The following KATNBL1 variants were observed in gnomAD, a reference collection of about 807,000 sequenced individuals.
The protein encoded by KATNBL1 is katanin regulatory subunit B1 like 1.
KATNBL1 carries 28 observed loss-of-function variants against 44.7 expected under a neutral mutation model. That is an observed-to-expected ratio of 0.63 (90% CI 0.46 to 0.86). The LOEUF is 0.86. KATNBL1 is among the 40% of genes least tolerant of loss of function. The pLI, the probability that KATNBL1 is intolerant of heterozygous loss-of-function variation, is 0.00. For synonymous variants in KATNBL1, 78 were observed against 114.9 expected (o/e 0.68, Z 2.06); for missense variants, 272 against 350.7 (o/e 0.78, Z 1.79).
chr15:34,202,501 C>G (rs1381033566), intron 1 of KATNBL1, among the ~76,000 whole-genome samples: 1 of 152,042 alleles, frequency 6.6e-6, no homozygotes, highest in Non-Finnish European at 1.5e-5. Flanking sequence ...ATATTACATC[C>G]CCAACAGTTA....
chr15:34,185,113 G>A (rs1364887967), intron 1 of KATNBL1, among the ~76,000 whole-genome samples: 1 of 152,050 alleles, frequency 6.6e-6, no homozygotes, highest in Non-Finnish European at 1.5e-5. Flanking sequence ...GGGACTACAG[G>A]TGCCTGCCAC....
chr15:34,183,058 C>T (rs545158615), intron 1 of KATNBL1, among the ~76,000 whole-genome samples: 18 of 152,316 alleles, frequency 1.2e-4, no homozygotes, highest in Admixed American at 3.3e-4. Flanking sequence ...AGAAATATGG[C>T]GCCCCTTGGC....
intron 1 of KATNBL1, among the ~76,000 whole-genome samples, chr15:34,200,834 T>C (rs1567539988): frequency 6.7e-6 from 1 of 150,154 alleles, no homozygotes; most frequent in Non-Finnish European, 1.5e-5. Flanking sequence ...GTTTTGTTTT[T>C]TGAGACAGCG....
At chr15:34,201,707 G>A (rs1278467235) in intron 1 of KATNBL1, among the ~76,000 whole-genome samples, 2 of 151,956 alleles carry the variant, frequency 1.3e-5, no homozygotes, top group East Asian at 1.9e-4. Flanking sequence ...TATTCAACAG[G>A]GAGGAAAAAA....
chr15:34,208,760 G>T (rs1404681497), intron 1 of KATNBL1: 1 of 152,198 alleles, frequency 6.6e-6, no homozygotes, highest in Non-Finnish European at 1.5e-5. Context: ...GTGAATGAAT[G>T]TATGTGTACA....
intron 1 of KATNBL1, among the ~76,000 whole-genome samples, chr15:34,188,137 T>TAAAAAAAAAAATAAAA (rs1889769645): frequency 4.5e-5 from 1 of 22,084 alleles, no homozygotes; most frequent in Non-Finnish European, 8.3e-5. Flanking sequence ...AGACGCCATG[T>TAAAAAAAAAAATAAAA]AAAAAAAAAA....
intron 8 of KATNBL1, 71 bp from the exon 9 acceptor site, chr15:34,145,562 C>G: frequency 8.1e-7 from 1 of 1,231,748 alleles, no homozygotes. Context: ...CATAAATATG[C>G]ATAATAAAAA....
At chr15:34,160,475 G>A (rs1256780134) in intron 2 of KATNBL1, among the ~76,000 whole-genome samples, 1 of 152,062 alleles carries the variant, frequency 6.6e-6, no homozygotes, top group East Asian at 1.9e-4. Flanking sequence ...TCATCTGGGG[G>A]GGTCTTCTAA....
At chr15:34,158,911 A>G (rs750888920) in intron 2 of KATNBL1, among the ~76,000 whole-genome samples, 1 of 152,210 alleles carries the variant, frequency 6.6e-6, no homozygotes, top group Non-Finnish European at 1.5e-5. Context: ...GTCTGACTTT[A>G]GTATGACAAT....
chr15:34,163,757 C>A, intron 1 of KATNBL1, 67 bp from the exon 2 acceptor site: 2 of 855,938 alleles, frequency 2.3e-6, no homozygotes, highest in Non-Finnish European at 3.6e-6. Context: ...AACACACACA[C>A]AAACATACAA....
rs543898473 is a variant in KATNBL1, at chr15:34,175,715, C to T, written c.-14-12025G>A. Among the ~76,000 whole-genome samples the T allele has an allele frequency of 2.6e-5, 4 of 152,284 alleles. No individual in the cohort carries two copies. The South Asian group carries it at 8.3e-4, about 32-fold the overall frequency. On this transcript the variant is annotated intron_variant, in intron 1 of 9. Coordinates refer to ENST00000256544, the MANE Select transcript of KATNBL1 (RefSeq NM_024713.3). ...AGAAAGATGTGGAAGAACTGGATCC[C>T]TCACGCATTACTACGGGAATGTAAA...
chr15:34,170,856 C>T (rs148209867), intron 1 of KATNBL1, among the ~76,000 whole-genome samples: 2,063 of 152,230 alleles, frequency 0.014, 51 homozygotes, highest in African/African-American at 0.048. Context: ...ATTTCATAAA[C>T]GGTGCTGGGA....
At position 34,142,441 on chromosome 15, in the gene KATNBL1, T is replaced by G. The variant is rs141280827; in HGVS notation, c.883-70A>C. The G allele has an allele frequency of 5.3e-4, 797 of 1,490,422 alleles. 4 individuals are homozygous for G. Among genetic ancestry groups the G allele is most frequent in the East Asian group, 1.5e-3 (64 of 41,668 alleles). 92.3% of individuals were successfully genotyped at this position (1,490,422 alleles called of 1,614,324 possible). On this transcript the variant is annotated intron_variant, in intron 9 of 9. Transcript: ENST00000256544. ...TACAAACATAAACAATCCATTTTTT[T>G]TTGTTGTTGCTTAATTTGCCTTAGT...
At position 34,142,200 on chromosome 15, in the gene KATNBL1, T is replaced by A. The variant is rs989681145; in HGVS notation, c.*139A>T. On this transcript the variant is annotated 3_prime_UTR_variant, in exon 10 of 10. Transcript: ENST00000256544. Reference sequence around the variant, plus strand: ...TGCTGGGATTTCATTAGTGGTTTCATTACGTGGCTTTTTAAAAGAAAAAAT... The same window carrying A: ...TGCTGGGATTTCATTAGTGGTTTCAATACGTGGCTTTTTAAAAGAAAAAAT... 2 of 787,120 alleles carry A rather than the reference T, an allele frequency of 2.5e-6. No individual in the cohort carries two copies. The highest frequency in any genetic ancestry group is 1.8e-6 in the Non-Finnish European group (1 of 548,938). The allele number at this position is 787,120 out of a possible 1,614,324, so 48.8% of individuals were successfully genotyped here.
intron 3 of KATNBL1, among the ~76,000 whole-genome samples, chr15:34,153,959 T>C (rs962299896): frequency 6.6e-6 from 1 of 152,214 alleles, no homozygotes; most frequent in African/African-American, 2.4e-5. Flanking sequence ...AAAAGACTAA[T>C]TACATATTAA....
chr15:34,148,668 T>G lies in KATNBL1; in HGVS notation c.521A>C (p.Lys174Thr), dbSNP rs1888380886. The change falls in exon 5 of 10, where the codon AAG (lysine) becomes ACG (threonine). Residue 174 changes from lysine to threonine, a missense_variant. Coordinates refer to ENST00000256544, the MANE Select transcript of KATNBL1 (RefSeq NM_024713.3). ...AGCTACAAGTTCACTTATACTTCTCTTTCTCCAGAAAGTTAAAGCTACATT... is the reference window on the plus strand; with the variant it reads ...AGCTACAAGTTCACTTATACTTCTCGTTCTCCAGAAAGTTAAAGCTACATT... The part of the protein sequence containing the change: ...RLNVALTFWR[K>T]RSISELVAYL... 6.2e-7 allele frequency: 1 copy of G among 1,608,292 alleles called. No individual in the cohort carries two copies. The highest frequency in any genetic ancestry group is 1.1e-5 in the South Asian group (1 of 90,930).
intron 1 of KATNBL1, chr15:34,208,862 C>G (rs906273959): frequency 1.5e-4 from 23 of 152,234 alleles, no homozygotes; most frequent in African/African-American, 5.5e-4. Context: ...GGTAGTAGAG[C>G]AACAGAGTTA....
intron 1 of KATNBL1, among the ~76,000 whole-genome samples, chr15:34,174,437 C>T (rs1188908496): frequency 6.6e-6 from 1 of 151,988 alleles, no homozygotes. Context: ...ACAGAGAGAA[C>T]AGAAAACAAA....
At chr15:34,164,681 T>G (rs1345943507) in intron 1 of KATNBL1, among the ~76,000 whole-genome samples, 1 of 152,270 alleles carries the variant, frequency 6.6e-6, no homozygotes, top group Non-Finnish European at 1.5e-5. Flanking sequence ...AAATTTATTT[T>G]AGGTCATGCC....
Sources: allele counts gnomAD v4.1 joint callset (sites outside exome capture counted in the v4.1 genomes callset), GRCh38; gene constraint gnomAD v4.1.1; transcripts MANE v1.5; gene names NCBI Gene and HGNC (gene_info 2026-07-23, HGNC 2026-07-21).